Variants in LRRC4C observed in about 807,000 individuals in gnomAD.
LRRC4C encodes leucine-rich repeat-containing protein 4C.
A neutral mutation model predicts 33.6 loss-of-function variants in LRRC4C; 5 were observed. The observed-to-expected ratio is 0.15, with a 90% confidence interval of 0.08 to 0.31. The LOEUF is 0.31. LRRC4C is among the 10% of genes least tolerant of loss of function. The probability of loss-of-function intolerance (pLI) is 1.00; values close to 1 mark genes in which losing one functional copy is unlikely to be tolerated. For synonymous variants in LRRC4C, 329 were observed against 302.0 expected, an observed-to-expected ratio of 1.09 and a Z score of -0.93; for missense variants, 560 against 796.7, an observed-to-expected ratio of 0.70 and a Z score of 3.58.
At chr11:40,377,894 T>A (rs911045754) in intron 3 of LRRC4C, among the ~76,000 whole-genome samples, 1 of 152,040 alleles carries the variant, frequency 6.6e-6, no homozygotes, top group Non-Finnish European at 1.5e-5. Context: ...CAGTGACAAT[T>A]CTAAACCTCT....
Position 40,609,886 on chromosome 11 carries a change from C to T in LRRC4C, c.-270+38256G>A, listed in dbSNP as rs191023890. Among the ~76,000 whole-genome samples the T allele has an allele frequency of 1.9e-3, 293 of 152,032 alleles. 3 individuals carry two copies. Among genetic ancestry groups the T allele is most frequent in the African/African-American group, 6.8e-3 (281 of 41,528 alleles). On this transcript the variant is annotated intron_variant, in intron 3 of 6. Coordinates refer to ENST00000528697, the MANE Select transcript of LRRC4C (RefSeq NM_001258419.2). ...CTTAACGGAAGGACGAGTTAGAAGA[C>T]TGATTTAGTAATGAAAACCTCCTAA... is the stretch of plus-strand genomic sequence containing the variant.
intron 2 of LRRC4C, among the ~76,000 whole-genome samples, chr11:40,853,030 A>G (rs951815303): frequency 2.0e-5 from 3 of 152,192 alleles, no homozygotes; most frequent in African/African-American, 7.2e-5. Flanking sequence ...ACCGCATGTA[A>G]GATGGAGGTC....
chr11:40,869,209 G>C (rs1483616369), intron 2 of LRRC4C, among the ~76,000 whole-genome samples: 1 of 152,106 alleles, frequency 6.6e-6, no homozygotes, highest in Non-Finnish European at 1.5e-5. Flanking sequence ...ATATAAAAAG[G>C]TAAGACAAAT....
At chr11:41,415,162 T>C (rs1954629975) in intron 1 of LRRC4C, among the ~76,000 whole-genome samples, 1 of 152,186 alleles carries the variant, frequency 6.6e-6, no homozygotes, top group Admixed American at 6.6e-5. Context: ...CAGAATGAGT[T>C]GGGTTTAGAA....
At chr11:41,050,826 C>G (rs1858152793) in intron 1 of LRRC4C, among the ~76,000 whole-genome samples, 1 of 151,944 alleles carries the variant, frequency 6.6e-6, no homozygotes. Context: ...GTTCTAAATC[C>G]CTGAGGAATT....
At chr11:40,561,877 G>A (rs1041346369) in intron 3 of LRRC4C, among the ~76,000 whole-genome samples, 1 of 152,158 alleles carries the variant, frequency 6.6e-6, no homozygotes, top group African/African-American at 2.4e-5. Flanking sequence ...AATCTTTAAT[G>A]GAGCCGAAAT....
chr11:41,425,346 G>A (rs949505389), intron 1 of LRRC4C, among the ~76,000 whole-genome samples: 2 of 151,988 alleles, frequency 1.3e-5, no homozygotes, highest in African/African-American at 4.8e-5. Flanking sequence ...GTTGCTACCT[G>A]GGCCTCTCTT....
At chr11:40,286,698 T>TA (rs1321367027) in intron 4 of LRRC4C, among the ~76,000 whole-genome samples, 2 of 152,154 alleles carry the variant, frequency 1.3e-5, no homozygotes, top group Non-Finnish European at 2.9e-5. Flanking sequence ...GCCAAATACT[T>TA]AAGACATTTT....
At chr11:40,987,672 A>T (rs377034) in intron 1 of LRRC4C, among the ~76,000 whole-genome samples, 13,961 of 39,310 alleles carry the variant, frequency 0.36, 1,617 homozygotes, top group South Asian at 0.45. Context: ...ATGAGATATA[A>T]ATGATATATA....
At chr11:40,383,732 C>T (rs531581796) in intron 3 of LRRC4C, among the ~76,000 whole-genome samples, 91 of 151,670 alleles carry the variant, frequency 6.0e-4, no homozygotes, top group African/African-American at 2.2e-3. Context: ...CTTTGTCACC[C>T]AGGGTGCAGT....
chr11:41,208,153 A>G (rs1470721363), intron 1 of LRRC4C, among the ~76,000 whole-genome samples: 1 of 152,216 alleles, frequency 6.6e-6, no homozygotes, highest in East Asian at 1.9e-4. Context: ...AATCAGGAAC[A>G]TGCTGTTAGG....
chr11:40,277,643 G>A (rs755388763), intron 4 of LRRC4C, among the ~76,000 whole-genome samples: 2 of 152,096 alleles, frequency 1.3e-5, no homozygotes, highest in African/African-American at 2.4e-5. Flanking sequence ...CCACTGGCTT[G>A]ACCAAGGGTT....
intron 3 of LRRC4C, among the ~76,000 whole-genome samples, chr11:40,410,676 A>G (rs746865101): frequency 6.4e-4 from 98 of 152,004 alleles, no homozygotes; most frequent in Non-Finnish European, 1.2e-3. Context: ...TTTTTATATC[A>G]TTGCTCATCA....
At chr11:40,378,320 C>T (rs1036038384) in intron 3 of LRRC4C, among the ~76,000 whole-genome samples, 2 of 151,876 alleles carry the variant, frequency 1.3e-5, no homozygotes, top group Non-Finnish European at 2.9e-5. Context: ...TCATGGGAAG[C>T]CTTCAGGAAT....
At chr11:40,903,595 G>C (rs1047941350) in intron 2 of LRRC4C, among the ~76,000 whole-genome samples, 1 of 152,116 alleles carries the variant, frequency 6.6e-6, no homozygotes, top group African/African-American at 2.4e-5. Context: ...GAGAACAATT[G>C]TGATTCATAG....
At chr11:41,186,266 T>C (rs943436345) in intron 1 of LRRC4C, among the ~76,000 whole-genome samples, 17 of 152,154 alleles carry the variant, frequency 1.1e-4, no homozygotes, top group African/African-American at 4.1e-4. Flanking sequence ...AAGGAAAATG[T>C]AAATTATATA....
Position 40,468,258 on chromosome 11 carries a change from G to T in LRRC4C, c.-269-148537C>A, listed in dbSNP as rs184211966. 2.6e-4 allele frequency among the ~76,000 whole-genome samples: 39 copies of T among 152,256 alleles called. 1 individual carries two copies. In the East Asian group the frequency reaches 7.5e-3, roughly 29 times the overall value. On this transcript the variant is annotated intron_variant, in intron 3 of 6. Coordinates refer to ENST00000528697, the MANE Select transcript of LRRC4C (RefSeq NM_001258419.2). ...GAAAGAGAATTTCCTTTTAAAAATT[G>T]TCTAAATCTGTAATTTTCAAGACAG...
rs771201531 is a variant in LRRC4C at position 40,994,013 on chromosome 11, T to A, written c.-495-60290A>T. Among the ~76,000 whole-genome samples, 17 of 152,078 alleles carry A rather than the reference T, an allele frequency of 1.1e-4. No homozygotes were observed. In the East Asian group the frequency reaches 2.1e-3, roughly 19 times the overall value. On this transcript the variant is annotated intron_variant, in intron 1 of 6. Transcript: ENST00000528697. ...GGGAACTGGATGGGGCATACTACTGTTACTTTCGGCTCCTTTTTGCTCTGA... is the reference window on the plus strand; with the variant it reads ...GGGAACTGGATGGGGCATACTACTGATACTTTCGGCTCCTTTTTGCTCTGA...
chr11:40,692,815 C>T (rs1945286358), intron 2 of LRRC4C, among the ~76,000 whole-genome samples: 2 of 151,954 alleles, frequency 1.3e-5, no homozygotes, highest in African/African-American at 4.8e-5. Context: ...ATGTGAATTC[C>T]ATGACACTGT....
Sources: allele counts gnomAD v4.1 joint callset (sites outside exome capture counted in the v4.1 genomes callset), GRCh38; gene constraint gnomAD v4.1.1; transcripts MANE v1.5; gene names NCBI Gene and HGNC (gene_info 2026-07-23, HGNC 2026-07-21).